SFRP1: variants seen among roughly 807,000 people sequenced by gnomAD.
The protein encoded by SFRP1 is secreted frizzled-related protein 1.
SFRP1 carries 9 observed loss-of-function variants against 25.9 expected under a neutral mutation model. The ratio of observed to expected loss-of-function variants is 0.35; its 90% CI spans 0.21 to 0.61. The LOEUF (loss-of-function observed/expected upper bound fraction) is 0.61, where lower values mean the gene tolerates loss of function less well. Among genes scored for constraint, SFRP1 ranks in the 20% least tolerant of loss-of-function variants. The pLI, the probability that SFRP1 is intolerant of heterozygous loss-of-function variation, is 0.78. For synonymous variants in SFRP1, 178 were observed against 174.0 expected (o/e 1.02, Z -0.18); for missense variants, 346 against 418.2 (o/e 0.83, Z 1.51).
chr8:41,297,630 T>C (rs1057505314), intron 2 of SFRP1, among the ~76,000 whole-genome samples: 1 of 152,082 alleles, frequency 6.6e-6, no homozygotes, highest in Non-Finnish European at 1.5e-5. Context: ...CACAGTCACG[T>C]AGGAATTCTC....
chr8:41,264,901 T>C lies in SFRP1; in HGVS notation c.*266A>G, dbSNP rs1441441405. ...GGAAATGGTTTGTCACCTCCTCCTG[T>C]GCAGTGGCTGCTGCTCCACATTGCG... is the stretch of plus-strand genomic sequence containing the variant. On this transcript the variant is annotated 3_prime_UTR_variant, in exon 3 of 3. Transcript: ENST00000220772. 2 of 422,036 alleles carry C rather than the reference T, an allele frequency of 4.7e-6. No homozygotes were observed. The highest frequency in any genetic ancestry group is 4.2e-6 in the Non-Finnish European group (1 of 237,020). The allele number at this position is 422,036 out of a possible 1,614,324, so 26.1% of individuals were successfully genotyped here. A position where few individuals can be genotyped will look rare whatever the true frequency, so the allele number is the denominator to read the frequency against.
intron 2 of SFRP1, among the ~76,000 whole-genome samples, chr8:41,266,042 C>G (rs1803431332): frequency 6.6e-6 from 1 of 151,938 alleles, no homozygotes; most frequent in African/African-American, 2.4e-5. Flanking sequence ...GGCAGGCGCC[C>G]ATAATCCCAG....
At chr8:41,269,624 C>T (rs1803478366) in intron 2 of SFRP1, among the ~76,000 whole-genome samples, 1 of 152,170 alleles carries the variant, frequency 6.6e-6, no homozygotes, top group South Asian at 2.1e-4. Context: ...GCCGTCTCTT[C>T]CTCCTGACTC....
chr8:41,291,266 G>A (rs1401585491), intron 2 of SFRP1, among the ~76,000 whole-genome samples: 1 of 152,008 alleles, frequency 6.6e-6, no homozygotes, highest in Non-Finnish European at 1.5e-5. Context: ...AGTTCCCAGT[G>A]TCTCTGTGTT....
At position 41,265,041 on chromosome 8, in the gene SFRP1, G is replaced by A. The variant is rs767928939; in HGVS notation, c.*126C>T. On this transcript the variant is annotated 3_prime_UTR_variant, in exon 3 of 3. Coordinates refer to ENST00000220772, the MANE Select transcript of SFRP1 (RefSeq NM_003012.5). ...AGCGGGAATGCTGCAAGAACAAGCC[G>A]ACTGGATTACAATGTCCACTACTGA... 6 of 674,412 alleles carry A rather than the reference G, an allele frequency of 8.9e-6. No individual in the cohort carries two copies. The highest frequency in any genetic ancestry group is 1.5e-5 in the Non-Finnish European group (6 of 403,408). The allele number at this position is 674,412 out of a possible 1,614,324, so 41.8% of individuals were successfully genotyped here.
chr8:41,279,251 G>T (rs1237560534), intron 2 of SFRP1, among the ~76,000 whole-genome samples: 3 of 152,068 alleles, frequency 2.0e-5, no homozygotes, highest in African/African-American at 7.2e-5. Context: ...GCCACTGCCC[G>T]GATGTTCAAA....
At chr8:41,279,566 A>G (rs1206369053) in intron 2 of SFRP1, among the ~76,000 whole-genome samples, 2 of 152,056 alleles carry the variant, frequency 1.3e-5, no homozygotes, top group African/African-American at 2.4e-5. Flanking sequence ...ACACTACCAG[A>G]AGCAAAACGA....
At chr8:41,266,278 A>G (rs919255410) in intron 2 of SFRP1, among the ~76,000 whole-genome samples, 4 of 152,190 alleles carry the variant, frequency 2.6e-5, no homozygotes, top group African/African-American at 4.8e-5. Flanking sequence ...GAGATCCTCA[A>G]ATAAATTTCA....
rs374492383 is a variant in SFRP1, at chr8:41,308,903, G to A, written c.257C>T (p.Thr86Ile). Residue 86 changes from threonine to isoleucine, a missense_variant, in exon 1 of 3, where the codon ACC becomes ATC. Coordinates refer to ENST00000220772, the MANE Select transcript of SFRP1 (RefSeq NM_003012.5). ...MVLPNLLEHE[T>I]MAEVKQQASS... ...GGCCTGCTGCTTCACCTCCGCCATGGTCTCGTGCTCCAGCAGGTTGGGCAG... is the reference window on the plus strand; with the variant it reads ...GGCCTGCTGCTTCACCTCCGCCATGATCTCGTGCTCCAGCAGGTTGGGCAG... 11 of 1,612,538 alleles carry A rather than the reference G, an allele frequency of 6.8e-6. No individual in the cohort carries two copies. Among genetic ancestry groups the A allele is most frequent in the Non-Finnish European group, 9.3e-6 (11 of 1,179,882 alleles).
intron 2 of SFRP1, among the ~76,000 whole-genome samples, chr8:41,293,496 T>A (rs1453548087): frequency 3.3e-5 from 5 of 152,248 alleles, no homozygotes; most frequent in Non-Finnish European, 4.4e-5. Flanking sequence ...TTTGAGTCTT[T>A]ACTCCCTTTC....
At chr8:41,275,221 T>A (rs1349961483) in intron 2 of SFRP1, 2 of 450,562 alleles carry the variant, frequency 4.4e-6, no homozygotes, top group Non-Finnish European at 8.9e-6. Context: ...CAGAGCTTTA[T>A]GATTCATACA....
intron 2 of SFRP1, chr8:41,298,099 T>C (rs1803866383): frequency 6.6e-6 from 1 of 152,226 alleles, no homozygotes; most frequent in South Asian, 2.1e-4. Flanking sequence ...GGGCACGGAC[T>C]GGCTGATCTT....
chr8:41,308,460 T>A (rs1482190557), intron 1 of SFRP1, among the ~76,000 whole-genome samples, 156 bp downstream of exon 1: 1 of 152,102 alleles, frequency 6.6e-6, no homozygotes, highest in Non-Finnish European at 1.5e-5. Context: ...CAGACGCGCT[T>A]AGGAATCACG....
At chr8:41,281,054 G>C (rs969332461) in intron 2 of SFRP1, among the ~76,000 whole-genome samples, 4 of 152,202 alleles carry the variant, frequency 2.6e-5, no homozygotes, top group Admixed American at 1.3e-4. Context: ...GGACAGGCCC[G>C]TGAGCTCCTA....
At chr8:41,277,457 G>A (rs1803585389) in intron 2 of SFRP1, among the ~76,000 whole-genome samples, 2 of 152,172 alleles carry the variant, frequency 1.3e-5, no homozygotes, top group African/African-American at 4.8e-5. Context: ...GAAAAGATGG[G>A]GAGTGGGCTA....
At chr8:41,266,701 A>C (rs1038304136) in intron 2 of SFRP1, among the ~76,000 whole-genome samples, 1 of 152,014 alleles carries the variant, frequency 6.6e-6, no homozygotes, top group African/African-American at 2.4e-5. Flanking sequence ...TTGGGATTAC[A>C]GGCATGAGTC....
intron 2 of SFRP1, among the ~76,000 whole-genome samples, chr8:41,297,929 T>C (rs994117664): frequency 9.9e-5 from 15 of 152,132 alleles, no homozygotes; most frequent in African/African-American, 3.4e-4. Context: ...TCCTGCTTGA[T>C]GGGTGTGAGA....
chr8:41,278,037 T>C (rs1414913435), intron 2 of SFRP1, among the ~76,000 whole-genome samples: 2 of 152,180 alleles, frequency 1.3e-5, no homozygotes, highest in East Asian at 3.9e-4. Flanking sequence ...TTTGTCACCT[T>C]GGTTATTCAC....
intron 2 of SFRP1, among the ~76,000 whole-genome samples, chr8:41,284,843 G>A (rs1803678606): frequency 6.6e-6 from 1 of 152,210 alleles, no homozygotes; most frequent in Non-Finnish European, 1.5e-5. Context: ...GTACCCCCAG[G>A]CTGCAAGGCC....
Sources: gnomAD v4.1 joint callset for allele counts (sites outside exome capture counted in the v4.1 genomes callset) on GRCh38, gnomAD v4.1.1 for gene constraint, MANE v1.5 for transcripts, NCBI Gene and HGNC (gene_info 2026-07-23, HGNC 2026-07-21) for gene names.